MIR2052HG: variants seen among roughly 807,000 people sequenced by gnomAD.
MIR2052HG encodes MIR2052 host gene.
chr8:74,707,416 G>A (rs948624709), intron 4 of MIR2052HG, among the ~76,000 whole-genome samples: 1 of 152,118 alleles, frequency 6.6e-6, no homozygotes, highest in Non-Finnish European at 1.5e-5. Flanking sequence ...CGATATGGTA[G>A]AGTCTGAAAG....
chr8:74,721,098 C>T (rs1161422062), intron 4 of MIR2052HG, among the ~76,000 whole-genome samples: 1 of 152,102 alleles, frequency 6.6e-6, no homozygotes, highest in Admixed American at 6.5e-5. Flanking sequence ...GTTGAACAGT[C>T]TAGGGCTGTG....
chr8:74,601,311 C>G (rs995221462), intron 1 of MIR2052HG, among the ~76,000 whole-genome samples: 9 of 152,146 alleles, frequency 5.9e-5, no homozygotes, highest in Non-Finnish European at 1.2e-4. Context: ...GGAACTTGTT[C>G]TTCTTGTTCT....
intron 1 of MIR2052HG, among the ~76,000 whole-genome samples, chr8:74,602,288 C>A (rs180901452): frequency 1.3e-5 from 2 of 152,320 alleles, no homozygotes; most frequent in African/African-American, 2.4e-5. Flanking sequence ...AAAAGATACT[C>A]CTGCCAGCAT....
intron 4 of MIR2052HG, among the ~76,000 whole-genome samples, chr8:74,738,505 TTTTAC>T (rs540864191): frequency 2.5e-4 from 38 of 152,326 alleles, no homozygotes; most frequent in Non-Finnish European, 4.4e-4. Flanking sequence ...AAATTACTTA[TTTTAC>T]TAAGTGCCAC....
intron 4 of MIR2052HG, among the ~76,000 whole-genome samples, chr8:74,728,471 G>T (rs1192244341): frequency 1.3e-5 from 2 of 152,166 alleles, no homozygotes; most frequent in Admixed American, 6.5e-5. Context: ...ATCTATGTGG[G>T]TCAGTTCTGT....
At position 74,685,723 on chromosome 8, in the gene MIR2052HG, C is replaced by CA. The variant is rs1013810633; in HGVS notation, n.217-16650dup. 4.0e-4 allele frequency among the ~76,000 whole-genome samples: 60 copies of CA among 151,798 alleles called. 1 individual carries two copies. Among genetic ancestry groups the CA allele is most frequent in the African/African-American group, 1.3e-3 (55 of 41,390 alleles). On this transcript the variant is annotated intron_variant and non_coding_transcript_variant, in intron 2 of 6. Transcript: ENST00000523442. ...AAATTAGTCATGCATAATAAGGAAA[C>CA]AAAAAATGTATCACATTATTTTATG... is the stretch of plus-strand genomic sequence containing the variant.
intron 5 of MIR2052HG, among the ~76,000 whole-genome samples, chr8:74,755,273 A>G (rs895884688): frequency 6.6e-6 from 1 of 152,236 alleles, no homozygotes; most frequent in Non-Finnish European, 1.5e-5. Context: ...CTGCTGCTGA[A>G]ACAGCAGTAG....
chr8:74,654,391 A>C (rs1010887161), intron 2 of MIR2052HG, among the ~76,000 whole-genome samples: 7 of 152,104 alleles, frequency 4.6e-5, no homozygotes, highest in Non-Finnish European at 8.8e-5. Flanking sequence ...ATGGGGACTG[A>C]TATGATTTGG....
chr8:74,746,439 C>T (rs761784026), intron 4 of MIR2052HG, among the ~76,000 whole-genome samples: 2 of 152,074 alleles, frequency 1.3e-5, no homozygotes, highest in African/African-American at 2.4e-5. Context: ...AGCACACCCT[C>T]AGTGAAGGGG....
rs529322097 is a variant in MIR2052HG, at chr8:74,657,867, A to G, written n.217-44512A>G. ...CAAAGTGAGATTTGGGTGGGGATACAGCCAAACCATATCACCCACTGAATC... is the reference window on the plus strand; with the variant it reads ...CAAAGTGAGATTTGGGTGGGGATACGGCCAAACCATATCACCCACTGAATC... On this transcript the variant is annotated intron_variant and non_coding_transcript_variant, in intron 2 of 6. Transcript: ENST00000523442. Among the ~76,000 whole-genome samples the G allele has an allele frequency of 7.2e-5, 11 of 152,286 alleles. No homozygotes were observed. The South Asian group carries it at 2.3e-3, about 32-fold the overall frequency.
chr8:74,700,841 A>G (rs1241632738), intron 2 of MIR2052HG, among the ~76,000 whole-genome samples: 1 of 152,144 alleles, frequency 6.6e-6, no homozygotes, highest in African/African-American at 2.4e-5. Context: ...TTCCAAAGCA[A>G]AGTGATTATT....
chr8:74,755,148 G>C (rs921404135), intron 5 of MIR2052HG, among the ~76,000 whole-genome samples: 4 of 152,154 alleles, frequency 2.6e-5, no homozygotes, highest in African/African-American at 9.7e-5. Flanking sequence ...ACTGTGAACA[G>C]GTTCTAGAGA....
At chr8:74,744,391 C>T (rs997146652) in intron 4 of MIR2052HG, among the ~76,000 whole-genome samples, 6 of 150,708 alleles carry the variant, frequency 4.0e-5, no homozygotes, top group South Asian at 4.2e-4. Flanking sequence ...TAGTTACATA[C>T]GTATACATGT....
chr8:74,656,836 T>C (rs1441567748), intron 2 of MIR2052HG, among the ~76,000 whole-genome samples: 2 of 152,142 alleles, frequency 1.3e-5, no homozygotes, highest in East Asian at 3.9e-4. Context: ...AAGGAAACTA[T>C]TTGTAGCTTT....
In MIR2052HG at chr8:74,630,817, C is replaced by A. The variant is rs76496601; in HGVS notation, n.216+17877C>A. ...AGCTACCATTTAGTGCCTCTGACAC[C>A]TCAGCTACTATGCAAGTTGTTTCCT... On this transcript the variant is annotated intron_variant and non_coding_transcript_variant, in intron 2 of 6. Transcript: ENST00000523442. Among the ~76,000 whole-genome samples, 1,131 of 152,294 alleles carry A rather than the reference C, an allele frequency of 7.4e-3. 12 individuals are homozygous for A. The highest frequency in any genetic ancestry group is 0.026 in the Admixed American group (391 of 15,288).
chr8:74,635,969 C>T (rs1007451014), intron 2 of MIR2052HG, among the ~76,000 whole-genome samples: 3 of 152,154 alleles, frequency 2.0e-5, no homozygotes, highest in Non-Finnish European at 4.4e-5. Context: ...AAAACTTTCA[C>T]AGAAAGAGCA....
intron 2 of MIR2052HG, among the ~76,000 whole-genome samples, chr8:74,613,362 C>G: frequency 6.6e-6 from 1 of 152,220 alleles, no homozygotes; most frequent in East Asian, 1.9e-4. Context: ...ACAGCTATAC[C>G]ATTTGCAAAG....
At chr8:74,741,125 A>G (rs1172551352) in intron 4 of MIR2052HG, among the ~76,000 whole-genome samples, 1 of 152,210 alleles carries the variant, frequency 6.6e-6, no homozygotes, top group Non-Finnish European at 1.5e-5. Flanking sequence ...TAGTATATAC[A>G]TCTTACAAAT....
At chr8:74,600,573 A>C (rs1294359758) in intron 1 of MIR2052HG, among the ~76,000 whole-genome samples, 1 of 151,226 alleles carries the variant, frequency 6.6e-6, no homozygotes, top group East Asian at 1.9e-4. Flanking sequence ...CCTCTCAAAA[A>C]AAAAAAGAAA....
Sources: allele counts gnomAD v4.1 joint callset (sites outside exome capture counted in the v4.1 genomes callset), GRCh38; gene constraint gnomAD v4.1.1; transcripts MANE v1.5; gene names NCBI Gene and HGNC (gene_info 2026-07-23, HGNC 2026-07-21).